DCTN5: variants seen among roughly 807,000 people sequenced by gnomAD.
The protein encoded by DCTN5 is dynactin subunit 5.
DCTN5 carries 14 observed loss-of-function variants against 23.5 expected under a neutral mutation model. That is an observed-to-expected ratio of 0.60 (90% confidence interval 0.39 to 0.93). The LOEUF (loss-of-function observed/expected upper bound fraction) is 0.93, where lower values mean the gene tolerates loss of function less well. Among genes scored for constraint, DCTN5 ranks in the 40% least tolerant of loss-of-function variants. DCTN5 has a pLI of 0.00. For synonymous variants in DCTN5, 67 were observed against 79.6 expected (o/e 0.84, Z 0.84); for missense variants, 156 against 225.9 (o/e 0.69, Z 1.98).
chr16:23,668,205 A>C lies in DCTN5; in HGVS notation c.*1061A>C, dbSNP rs1835962428. 1 of 152,208 alleles carries C rather than the reference A, an allele frequency of 6.6e-6. No individual in the cohort carries two copies. Among genetic ancestry groups the C allele is most frequent in the African/African-American group, 2.4e-5 (1 of 41,452 alleles). 9.4% of individuals were successfully genotyped at this position (152,208 alleles called of 1,614,324 possible). On this transcript the variant is annotated 3_prime_UTR_variant, in exon 6 of 6. Transcript: ENST00000300087. ...AGGAAGATTCAGAAGTGAGGGGCTA[A>C]GAAGGTTGTCCTTGCCTAATGCTCT...
At chr16:23,665,852 C>G in intron 5 of DCTN5, 124 bp downstream of exon 5, 1 of 771,058 alleles carries the variant, frequency 1.3e-6, no homozygotes. Context: ...CTTAGAAATT[C>G]ACCTGTACAA....
chr16:23,661,431 T>G (rs1349551773), intron 4 of DCTN5, 150 bp downstream of exon 4: 1 of 577,406 alleles, frequency 1.7e-6, no homozygotes, highest in Non-Finnish European at 3.0e-6. Flanking sequence ...GATATGGAAT[T>G]TTTTCAGCTG....
chr16:23,669,888 G>A lies in DCTN5; in HGVS notation c.*2744G>A, dbSNP rs899449420. On this transcript the variant is annotated 3_prime_UTR_variant, in exon 6 of 6. Coordinates refer to ENST00000300087, the MANE Select transcript of DCTN5 (RefSeq NM_032486.4). Reference sequence around the variant, plus strand: ...TTCTGTCTGGAACTGCTTCCTTTTTGTTTTATTATTTTTCCCCAGATGAGC... The same window carrying A: ...TTCTGTCTGGAACTGCTTCCTTTTTATTTTATTATTTTTCCCCAGATGAGC... 2 of 152,112 alleles carry A rather than the reference G, an allele frequency of 1.3e-5. No homozygotes were observed. Among genetic ancestry groups the A allele is most frequent in the African/African-American group, 4.8e-5 (2 of 41,400 alleles). 9.4% of individuals were successfully genotyped at this position (152,112 alleles called of 1,614,324 possible). A position where few individuals can be genotyped will look rare whatever the true frequency, so the allele number is the denominator to read the frequency against.
intron 5 of DCTN5, 146 bp from the exon 6 acceptor site, chr16:23,666,901 A>C: frequency 7.6e-7 from 1 of 1,309,456 alleles, no homozygotes; most frequent in Non-Finnish European, 1.0e-6. Context: ...TGTTCTTAGC[A>C]AGCACTGGAC....
At chr16:23,662,579 C>T (rs555455025) in intron 4 of DCTN5, among the ~76,000 whole-genome samples, 1 of 152,318 alleles carries the variant, frequency 6.6e-6, no homozygotes, top group African/African-American at 2.4e-5. Flanking sequence ...ATGGAGCCAG[C>T]TCTCTGCCCT....
At chr16:23,651,620 A>G (rs1308567564) in intron 2 of DCTN5, among the ~76,000 whole-genome samples, 1 of 152,254 alleles carries the variant, frequency 6.6e-6, no homozygotes, top group Non-Finnish European at 1.5e-5. Flanking sequence ...CTCTGATTGT[A>G]GGTGGAAACA....
chr16:23,642,943 G>A lies in DCTN5; in HGVS notation c.49-12G>A. Reference sequence around the variant, plus strand: ...AGTTTGCTTTCCCCGGTTTTCCGTTGTTTTCTTTTAGGCATCTGGGAACAA... The same window carrying A: ...AGTTTGCTTTCCCCGGTTTTCCGTTATTTTCTTTTAGGCATCTGGGAACAA... On this transcript the variant is annotated splice_polypyrimidine_tract_variant and intron_variant, in intron 1 of 5. Transcript: ENST00000300087. The A allele has an allele frequency of 1.9e-6, 3 of 1,613,766 alleles. No individual in the cohort carries two copies. Among genetic ancestry groups the A allele is most frequent in the Non-Finnish European group, 2.5e-6 (3 of 1,179,720 alleles).
rs916411236 is a variant in DCTN5, at chr16:23,672,511, G to A, written c.*5367G>A. The A allele has an allele frequency of 8.5e-5, 13 of 152,338 alleles. No homozygotes were observed. Among genetic ancestry groups the A allele is most frequent in the African/African-American group, 2.4e-4 (10 of 41,566 alleles). 9.4% of individuals were successfully genotyped at this position (152,338 alleles called of 1,614,324 possible). On this transcript the variant is annotated 3_prime_UTR_variant, in exon 6 of 6. Coordinates refer to ENST00000300087, the MANE Select transcript of DCTN5 (RefSeq NM_032486.4). ...GACAGATCATACTGTGTTTTGGTAG[G>A]GAGGGAGGGAGGAAGCAAGCAAGTG...
chr16:23,653,444 A>C (rs1424465399), intron 2 of DCTN5, among the ~76,000 whole-genome samples: 1 of 152,190 alleles, frequency 6.6e-6, no homozygotes, highest in Non-Finnish European at 1.5e-5. Context: ...AAAAACAAGC[A>C]ATGAGGAAAG....
At chr16:23,661,111 C>A in intron 3 of DCTN5, 59 bp from the exon 4 acceptor site, 2 of 1,227,476 alleles carry the variant, frequency 1.6e-6, no homozygotes, top group Non-Finnish European at 2.4e-6. Flanking sequence ...GTTCTATAAA[C>A]CTTGACCCAA....
chr16:23,659,198 C>T (rs1292772200), intron 3 of DCTN5, among the ~76,000 whole-genome samples: 1 of 152,184 alleles, frequency 6.6e-6, no homozygotes, highest in African/African-American at 2.4e-5. Flanking sequence ...ATCTGATTGA[C>T]TCATCTTAAG....
rs141277250 is a variant in DCTN5 at position 23,644,549 on chromosome 16, C to T, written c.117+1526C>T. 9.7e-3 allele frequency among the ~76,000 whole-genome samples: 1,472 copies of T among 151,936 alleles called. 18 individuals are homozygous for T. The highest frequency in any genetic ancestry group is 0.017 in the Non-Finnish European group (1,166 of 67,980). On this transcript the variant is annotated intron_variant, in intron 2 of 5. Transcript: ENST00000300087. ...TCTCCTGACCTCGTGATCCACCTGCCTTGTCCTCCGAAAGTGCTGGGATTA... is the reference window on the plus strand; with the variant it reads ...TCTCCTGACCTCGTGATCCACCTGCTTTGTCCTCCGAAAGTGCTGGGATTA...
At chr16:23,644,294 AT>A (rs534821955) in intron 2 of DCTN5, among the ~76,000 whole-genome samples, 19,433 of 97,438 alleles carry the variant, frequency 0.2, 1,110 homozygotes, top group East Asian at 0.31. Context: ...TGCCCACCTA[AT>A]TTTTTTTTTT....
At chr16:23,648,344 C>CTTTTTTTTTTTTTTTTT (rs960786045) in intron 2 of DCTN5, among the ~76,000 whole-genome samples, 5 of 105,524 alleles carry the variant, frequency 4.7e-5, no homozygotes, top group African/African-American at 7.2e-5. Flanking sequence ...TTTCTTTTTT[C>CTTTTTTTTTTTTTTTTT]TTTTTTTTTT....
In DCTN5 at chr16:23,671,463, CTTGTTTTG is replaced by C. The variant is rs1225770434; in HGVS notation, c.*4321_*4328del. On this transcript the variant is annotated 3_prime_UTR_variant, in exon 6 of 6. Transcript: ENST00000300087. The stretch of plus-strand genomic sequence containing the variant: ...ACAAGAGATGGAGAAATCACCCTTC[CTTGTTTTG>C]TATCTATGGGGTGCAAACATTTAAT... 6.6e-6 allele frequency: 1 copy of C among 152,200 alleles called. No homozygotes were observed. The highest frequency in any genetic ancestry group is 2.4e-5 in the African/African-American group (1 of 41,442). The allele number at this position is 152,200 out of a possible 1,614,324, so 9.4% of individuals were successfully genotyped here.
chr16:23,647,276 G>A (rs1258639427), intron 2 of DCTN5, among the ~76,000 whole-genome samples: 11 of 151,782 alleles, frequency 7.2e-5, no homozygotes, highest in Admixed American at 7.2e-4. Flanking sequence ...GGGATTACAG[G>A]CATGCGCCAC....
Position 23,661,163 on chromosome 16 carries a change from C to T in DCTN5, c.237-7C>T. 1 of 1,599,344 alleles carries T rather than the reference C, an allele frequency of 6.3e-7. No individual in the cohort carries two copies. ...CTTTCTGTGTTCATCTTCTTTTCCT[C>T]TTCTAGTGTTGCATTCTTTCCTTTA... On this transcript the variant is annotated splice_polypyrimidine_tract_variant and splice_region_variant and intron_variant, in intron 3 of 5. Transcript: ENST00000300087.
At chr16:23,661,403 G>A (rs1468166893) in intron 4 of DCTN5, 122 bp downstream of exon 4, 2 of 673,174 alleles carry the variant, frequency 3.0e-6, no homozygotes, top group Non-Finnish European at 5.0e-6. Context: ...TCTTCCCAGA[G>A]TTGGATTTTT....
intron 1 of DCTN5, 55 bp downstream of exon 1, chr16:23,641,645 C>T: frequency 3.1e-6 from 5 of 1,600,562 alleles, no homozygotes; most frequent in Non-Finnish European, 4.3e-6. Context: ...CCCTTTGAGG[C>T]CTGGTCGGCG....
Sources: allele counts gnomAD v4.1 joint callset (sites outside exome capture counted in the v4.1 genomes callset), GRCh38; gene constraint gnomAD v4.1.1; transcripts MANE v1.5; gene names NCBI Gene and HGNC (gene_info 2026-07-23, HGNC 2026-07-21).